The following ZNF100 variants were observed in gnomAD, a reference collection of about 807,000 sequenced individuals.
ZNF100 encodes zinc finger protein 100 (Y1).
ZNF100 carries 12 observed loss-of-function variants against 15.8 expected under a neutral mutation model. The observed-to-expected ratio is 0.76, with a 90% CI of 0.49 to 1.23. The LOEUF is 1.23. ZNF100 is among the 50% of genes most tolerant of loss of function. The pLI is 0.00. For synonymous variants in ZNF100, 226 were observed against 214.8 expected, an observed-to-expected ratio of 1.05 and a Z score of -0.45; for missense variants, 670 against 635.6, an observed-to-expected ratio of 1.05 and a Z score of -0.58.
At chr19:21,759,716 G>A (rs961390642) in intron 2 of ZNF100, among the ~76,000 whole-genome samples, 3 of 152,108 alleles carry the variant, frequency 2.0e-5, no homozygotes, top group African/African-American at 4.8e-5. Flanking sequence ...CACCCCCACC[G>A]GTGCCATGAC....
Position 21,723,360 on chromosome 19 carries a change from CAAAAAAAAAAA to C in ZNF100, c.*3312_*3322del, listed in dbSNP as rs763305626. 1 of 52,814 alleles carries C rather than the reference CAAAAAAAAAAA, an allele frequency of 1.9e-5. No homozygotes were observed. Among genetic ancestry groups the C allele is most frequent in the Non-Finnish European group, 3.6e-5 (1 of 27,662 alleles). 3.3% of individuals were successfully genotyped at this position (52,814 alleles called of 1,614,324 possible). On this transcript the variant is annotated 3_prime_UTR_variant, in exon 5 of 5. Coordinates refer to ENST00000358296, the MANE Select transcript of ZNF100 (RefSeq NM_173531.4). The stretch of plus-strand genomic sequence containing the variant: ...GGGCAACAAGAGTGAGACTCTGTCT[CAAAAAAAAAAA>C]AAAAAAAAAAAACAACCAACTTTCT...
At chr19:21,743,885 C>G in intron 4 of ZNF100, 132 bp downstream of exon 4, 1 of 333,820 alleles carries the variant, frequency 3.0e-6, no homozygotes, top group South Asian at 6.8e-5. Flanking sequence ...GCCCAAAAAA[C>G]AAAAACACTC....
rs192298512 is a variant in ZNF100, at chr19:21,734,355, T to C, written c.323-6366A>G. Reference sequence around the variant, plus strand: ...GAGCTGTTAACCCGAATAACCAGTTTAGAGAGGAACATAAACGACCTGATG... The same window carrying C: ...GAGCTGTTAACCCGAATAACCAGTTCAGAGAGGAACATAAACGACCTGATG... On this transcript the variant is annotated intron_variant, in intron 4 of 4. Coordinates refer to ENST00000358296, the MANE Select transcript of ZNF100 (RefSeq NM_173531.4). Among the ~76,000 whole-genome samples the C allele has an allele frequency of 2.4e-4, 37 of 152,200 alleles. No homozygotes were observed. In the East Asian group the frequency reaches 7.0e-3, roughly 29 times the overall value.
chr19:21,763,322 C>A (rs1351481243), intron 2 of ZNF100, among the ~76,000 whole-genome samples: 1 of 151,754 alleles, frequency 6.6e-6, no homozygotes. Flanking sequence ...CTAAGGCTGG[C>A]GTGGTGGCTC....
chr19:21,748,607 A>T (rs35725943), intron 2 of ZNF100, among the ~76,000 whole-genome samples: 14,236 of 152,300 alleles, frequency 0.093, 900 homozygotes, highest in South Asian at 0.18. Flanking sequence ...AGTAAAAGAT[A>T]CACAAATAAT....
intron 4 of ZNF100, among the ~76,000 whole-genome samples, chr19:21,729,888 T>C (rs2035881877): frequency 6.6e-6 from 1 of 152,044 alleles, no homozygotes; most frequent in Non-Finnish European, 1.5e-5. Flanking sequence ...GCAACTGAAG[T>C]TCTTTTTTAC....
chr19:21,736,673 A>C (rs1055636405), intron 4 of ZNF100, among the ~76,000 whole-genome samples: 3 of 152,218 alleles, frequency 2.0e-5, no homozygotes, highest in African/African-American at 7.2e-5. Context: ...GCAAATTCAA[A>C]AGAACCAAAA....
intron 4 of ZNF100, among the ~76,000 whole-genome samples, chr19:21,735,426 G>A (rs552593776): frequency 1.8e-4 from 27 of 151,036 alleles, no homozygotes; most frequent in East Asian, 7.9e-4. Context: ...CCCCGGAGGC[G>A]GAGCTGGAAG....
intron 4 of ZNF100, among the ~76,000 whole-genome samples, chr19:21,735,419 C>A (rs10422982): frequency 0.86 from 128,583 of 150,356 alleles, 55,508 homozygotes; most frequent in Middle Eastern, 0.92. Context: ...GCATGAACCC[C>A]GGAGGCGGAG....
rs777816432 is a variant in ZNF100 at position 21,727,797 on chromosome 19, G to A, written c.515C>T (p.Thr172Ile). Residue 172 changes from threonine to isoleucine, a missense_variant, in exon 5 of 5, where the codon ACC (threonine) becomes ATC (isoleucine). Transcript: ENST00000358296. ...ATCACATTGAAATATGTTGCTCTGG[G>A]TAGTTATCAAACACTGGTTTAATTT... ...DNKLNQCLIT[T>I]QSNIFQCDPS... 37 of 1,613,368 alleles carry A rather than the reference G, an allele frequency of 2.3e-5. No homozygotes were observed. In the South Asian group the frequency reaches 4.1e-4, roughly 18 times the overall value.
At chr19:21,763,015 G>A (rs2036505544) in intron 2 of ZNF100, among the ~76,000 whole-genome samples, 1 of 152,170 alleles carries the variant, frequency 6.6e-6, no homozygotes, top group East Asian at 1.9e-4. Context: ...CATATGCCAT[G>A]GAAACATCAG....
intron 2 of ZNF100, among the ~76,000 whole-genome samples, chr19:21,758,008 T>C (rs1473192049): frequency 2.6e-5 from 4 of 152,020 alleles, no homozygotes; most frequent in Non-Finnish European, 5.9e-5. Flanking sequence ...CACTTCAGCC[T>C]GTGTGACAGA....
At chr19:21,741,157 T>C (rs1451002660) in intron 4 of ZNF100, among the ~76,000 whole-genome samples, 1 of 152,118 alleles carries the variant, frequency 6.6e-6, no homozygotes, top group African/African-American at 2.4e-5. Flanking sequence ...AGAAACAAAA[T>C]GATGGACACT....
At chr19:21,738,981 A>G (rs1195293676) in intron 4 of ZNF100, among the ~76,000 whole-genome samples, 2 of 152,212 alleles carry the variant, frequency 1.3e-5, no homozygotes, top group African/African-American at 4.8e-5. Flanking sequence ...TTAATGAACC[A>G]GCTCTCATTT....
chr19:21,736,275 A>C (rs1232009071), intron 4 of ZNF100, among the ~76,000 whole-genome samples: 1 of 151,928 alleles, frequency 6.6e-6, no homozygotes, highest in African/African-American at 2.4e-5. Flanking sequence ...TTTAATAGAG[A>C]CAGAGTTTCA....
intron 2 of ZNF100, among the ~76,000 whole-genome samples, chr19:21,758,187 G>A (rs1028538596): frequency 1.3e-5 from 2 of 151,870 alleles, no homozygotes; most frequent in African/African-American, 4.8e-5. Flanking sequence ...AACTCATGCA[G>A]AACACAAAAC....
At chr19:21,751,870 C>A in intron 2 of ZNF100, 3 of 690,128 alleles carry the variant, frequency 4.3e-6, no homozygotes, top group South Asian at 2.0e-5. Context: ...GGTCTTTCAG[C>A]GCTGATCAAC....
intron 4 of ZNF100, among the ~76,000 whole-genome samples, chr19:21,739,681 A>C (rs1160799532): frequency 6.6e-6 from 1 of 152,192 alleles, no homozygotes; most frequent in Non-Finnish European, 1.5e-5. Context: ...ATATCTAAAA[A>C]TAAAACACAT....
intron 2 of ZNF100, among the ~76,000 whole-genome samples, chr19:21,757,869 C>T (rs1395342315): frequency 6.6e-6 from 1 of 151,952 alleles, no homozygotes; most frequent in Non-Finnish European, 1.5e-5. Context: ...AACCCCATCT[C>T]TACAAAAAAT....
Sources: gnomAD v4.1 joint callset for allele counts (sites outside exome capture counted in the v4.1 genomes callset) on GRCh38, gnomAD v4.1.1 for gene constraint, MANE v1.5 for transcripts, NCBI Gene and HGNC (gene_info 2026-07-23, HGNC 2026-07-21) for gene names.